Variants in HECW2 observed in about 807,000 individuals in gnomAD.
HECW2 encodes the protein E3 ubiquitin-protein ligase HECW2.
HECW2 carries 61 observed loss-of-function variants against 175.2 expected under a neutral mutation model. The ratio of observed to expected loss-of-function variants is 0.35; its 90% CI spans 0.28 to 0.43. The LOEUF (loss-of-function observed/expected upper bound fraction) is 0.43, where lower values mean the gene tolerates loss of function less well. HECW2 is among the 20% of genes least tolerant of loss of function. HECW2 has a pLI of 1.00. For missense variants in HECW2, 1,524 were observed against 2,000.5 expected, an observed-to-expected ratio of 0.76 and a Z score of 4.54; for synonymous variants, 671 against 731.0, an observed-to-expected ratio of 0.92 and a Z score of 1.32.
chr2:196,240,769 G>C (rs78285715), intron 20 of HECW2, among the ~76,000 whole-genome samples: 20 of 84,276 alleles, frequency 2.4e-4, no homozygotes, highest in African/African-American at 7.3e-4. Context: ...ATCATTGGTA[G>C]AGTACCCTAC....
intron 1 of HECW2, among the ~76,000 whole-genome samples, chr2:196,553,141 A>C (rs1689661631): frequency 6.6e-6 from 1 of 152,166 alleles, no homozygotes; most frequent in African/African-American, 2.4e-5. Context: ...GAGGCTAATA[A>C]ATTATTTTTG....
At chr2:196,374,431 A>G (rs777295706) in intron 2 of HECW2, among the ~76,000 whole-genome samples, 3 of 152,226 alleles carry the variant, frequency 2.0e-5, no homozygotes, top group Non-Finnish European at 2.9e-5. Context: ...CATAATTTCC[A>G]AGTGGTGTAC....
chr2:196,540,912 AG>A (rs1380136233), intron 1 of HECW2, among the ~76,000 whole-genome samples: 3 of 152,230 alleles, frequency 2.0e-5, no homozygotes, highest in African/African-American at 7.2e-5. Context: ...TGTGATTATC[AG>A]GAACTAGAAA....
At position 196,329,611 on chromosome 2, in the gene HECW2, G is replaced by C; in HGVS notation, c.535C>G (p.Leu179Val). Residue 179 changes from leucine (L) to valine (V), a missense_variant, in exon 5 of 29, where the codon CTG becomes GTG. By Grantham distance (32) the Leu-to-Val change is conservative (BLOSUM62 1). Coordinates refer to ENST00000644978, the MANE Select transcript of HECW2 (RefSeq NM_001348768.2). ...EGMEGGASGN[L>V]HSRKLVSFTL... ...AAGCTAACAAGTTTTCGAGAATGCA[G>C]GTTTCCTGAAGCACCTCCCTCCATG... 1.2e-6 allele frequency: 2 copies of C among 1,613,712 alleles called. No homozygotes were observed. The highest frequency in any genetic ancestry group is 2.2e-5 in the East Asian group (1 of 44,868).
At chr2:196,379,577 C>T (rs1251381790) in intron 2 of HECW2, among the ~76,000 whole-genome samples, 2 of 150,470 alleles carry the variant, frequency 1.3e-5, no homozygotes, top group African/African-American at 5.0e-5. Context: ...CCCAGCTACT[C>T]AGGAGGCTGA....
intron 13 of HECW2, among the ~76,000 whole-genome samples, chr2:196,303,392 G>A (rs1575386812): frequency 6.6e-6 from 1 of 152,308 alleles, no homozygotes; most frequent in East Asian, 1.9e-4. Flanking sequence ...TCTCTGCCAA[G>A]TTTTGGTATC....
At chr2:196,588,450 T>A (rs1188929354) in intron 1 of HECW2, among the ~76,000 whole-genome samples, 1 of 152,178 alleles carries the variant, frequency 6.6e-6, no homozygotes, top group African/African-American at 2.4e-5. Context: ...ATTATATCAA[T>A]AGAATGGTAT....
chr2:196,507,338 G>A (rs1687802674), intron 1 of HECW2, among the ~76,000 whole-genome samples: 2 of 152,200 alleles, frequency 1.3e-5, no homozygotes, highest in African/African-American at 4.8e-5. Context: ...ACAGGCTGTG[G>A]AGTGTTACAT....
intron 1 of HECW2, among the ~76,000 whole-genome samples, chr2:196,457,245 C>T (rs1463164361): frequency 2.0e-5 from 3 of 152,214 alleles, no homozygotes; most frequent in African/African-American, 7.2e-5. Context: ...CACTTTTACA[C>T]AGAATTTTTG....
intron 2 of HECW2, among the ~76,000 whole-genome samples, chr2:196,418,146 T>C (rs560100782): frequency 6.3e-4 from 96 of 152,128 alleles, no homozygotes; most frequent in Middle Eastern, 6.8e-3. Flanking sequence ...TTTTTTTTTT[T>C]GAGATGGAGT....
chr2:196,356,668 A>G (rs1390311876), intron 2 of HECW2, among the ~76,000 whole-genome samples: 1 of 152,226 alleles, frequency 6.6e-6, no homozygotes, highest in African/African-American at 2.4e-5. Context: ...ACACAGTAAG[A>G]TATTCTCAGA....
At chr2:196,453,866 C>T (rs957540582) in intron 1 of HECW2, among the ~76,000 whole-genome samples, 10 of 152,176 alleles carry the variant, frequency 6.6e-5, no homozygotes, top group East Asian at 1.9e-4. Flanking sequence ...AAAATTGTGA[C>T]GTGGAGCTTC....
At chr2:196,362,378 CACAG>C (rs1486327259) in intron 2 of HECW2, among the ~76,000 whole-genome samples, 100 of 122,162 alleles carry the variant, frequency 8.2e-4, no homozygotes, top group African/African-American at 2.8e-3. Flanking sequence ...CACACACACA[CACAG>C]AGTGGGCTGA....
At chr2:196,521,608 A>G (rs1205716821) in intron 1 of HECW2, among the ~76,000 whole-genome samples, 1 of 146,450 alleles carries the variant, frequency 6.8e-6, no homozygotes, top group Non-Finnish European at 1.5e-5. Flanking sequence ...CATTAGGTAT[A>G]TCTCCCAATG....
intron 1 of HECW2, among the ~76,000 whole-genome samples, chr2:196,578,662 T>C (rs1305319165): frequency 1.3e-5 from 2 of 152,134 alleles, no homozygotes; most frequent in Admixed American, 1.3e-4. Flanking sequence ...ACAGTTGATT[T>C]CTCATGAGAA....
intron 1 of HECW2, among the ~76,000 whole-genome samples, chr2:196,592,968 C>G (rs1691261706): frequency 6.6e-6 from 1 of 151,672 alleles, no homozygotes. Context: ...GCCACGGAGC[C>G]GAGAGTCTCT....
intron 19 of HECW2, 80 bp from the exon 20 acceptor site, chr2:196,242,284 A>C (rs1391900049): frequency 6.4e-7 from 1 of 1,559,810 alleles, no homozygotes; most frequent in East Asian, 2.3e-5. Context: ...GACAAAAGCT[A>C]TCACAATCAA....
At chr2:196,402,762 A>G (rs1694855784) in intron 2 of HECW2, among the ~76,000 whole-genome samples, 1 of 152,130 alleles carries the variant, frequency 6.6e-6, no homozygotes, top group Non-Finnish European at 1.5e-5. Flanking sequence ...TTGTAAATCA[A>G]ATAAAGTAAT....
chr2:196,241,768 T>C (rs184061279), intron 20 of HECW2, among the ~76,000 whole-genome samples: 2 of 152,322 alleles, frequency 1.3e-5, no homozygotes, highest in Admixed American at 6.5e-5. Context: ...GGGATAGCTT[T>C]ATAGCTAATG....
Sources: allele counts gnomAD v4.1 joint callset (sites outside exome capture counted in the v4.1 genomes callset), GRCh38; gene constraint gnomAD v4.1.1; transcripts MANE v1.5; gene names NCBI Gene and HGNC (gene_info 2026-07-23, HGNC 2026-07-21).